The following SLX4IP variants were observed in gnomAD, a reference collection of about 807,000 sequenced individuals.
SLX4IP encodes the protein SLX4 interacting protein, also known as protein SLX4IP.
SLX4IP carries 34 observed loss-of-function variants against 32.9 expected under a neutral mutation model. The ratio of observed to expected loss-of-function variants is 1.03; its 90% CI spans 0.79 to 1.38. The LOEUF is 1.38. Among genes scored for constraint, SLX4IP ranks in the 40% most tolerant of loss-of-function variants. The probability of loss-of-function intolerance (pLI) is 0.00; values close to 1 mark genes in which losing one functional copy is unlikely to be tolerated. For synonymous variants in SLX4IP, 172 were observed against 171.7 expected (o/e 1.00, Z -0.01); for missense variants, 444 against 479.0 (o/e 0.93, Z 0.68).
intron 5 of SLX4IP, 128 bp downstream of exon 5, chr20:10,598,880 GA>G: frequency 1.1e-6 from 1 of 891,492 alleles, no homozygotes; most frequent in Non-Finnish European, 1.8e-6. Flanking sequence ...GAGTGTGTCC[GA>G]AAGTTTGCGA....
intron 6 of SLX4IP, among the ~76,000 whole-genome samples, chr20:10,612,690 C>T (rs2066980998): frequency 6.6e-6 from 1 of 152,076 alleles, no homozygotes; most frequent in Non-Finnish European, 1.5e-5. Flanking sequence ...CAGGCATGCA[C>T]CACCACGCCC....
At chr20:10,457,671 A>C (rs150404010) in intron 1 of SLX4IP, among the ~76,000 whole-genome samples, 7 of 151,830 alleles carry the variant, frequency 4.6e-5, no homozygotes, top group African/African-American at 1.7e-4. Flanking sequence ...TTTTCTTGTG[A>C]TGTCTCTCTC....
Position 10,624,551 on chromosome 20 carries a change from TCAATA to T in SLX4IP, c.*1175_*1179del, listed in dbSNP as rs1174858783. 1 of 152,134 alleles carries T rather than the reference TCAATA, an allele frequency of 6.6e-6. No individual in the cohort carries two copies. Among genetic ancestry groups the T allele is most frequent in the African/African-American group, 2.4e-5 (1 of 41,420 alleles). The allele number at this position is 152,134 out of a possible 1,614,324, so 9.4% of individuals were successfully genotyped here. A position where few individuals can be genotyped will look rare whatever the true frequency, so the allele number is the denominator to read the frequency against. ...GAAACAATATTCAAGGTCCATTCAT[TCAATA>T]CATCTTTTTTTTTTTTCTGTTCAAC... On this transcript the variant is annotated 3_prime_UTR_variant, in exon 8 of 8. Transcript: ENST00000334534.
chr20:10,466,554 A>G lies in SLX4IP; in HGVS notation c.27+8323A>G, dbSNP rs1235076573. Among the ~76,000 whole-genome samples, 5 of 152,318 alleles carry G rather than the reference A, an allele frequency of 3.3e-5. No homozygotes were observed. The East Asian group carries it at 9.6e-4, about 29-fold the overall frequency. ...AGCGGTGGCAGCCTGGGAAGATTAC[A>G]GAGCCTGGCTTAGTGACAGGCCAGT... On this transcript the variant is annotated intron_variant, in intron 2 of 7. Transcript: ENST00000334534.
chr20:10,610,767 A>G (rs185445136), intron 6 of SLX4IP, among the ~76,000 whole-genome samples: 403 of 152,358 alleles, frequency 2.6e-3, no homozygotes, highest in Admixed American at 3.9e-3. Context: ...CCTTGAGTCA[A>G]TACATACATG....
intron 2 of SLX4IP, among the ~76,000 whole-genome samples, chr20:10,521,902 C>T (rs1280721830): frequency 1.3e-4 from 20 of 152,166 alleles, no homozygotes. Flanking sequence ...TAAGAAGTGC[C>T]AGTTAGCTAA....
chr20:10,521,365 C>T (rs960836347), intron 2 of SLX4IP, among the ~76,000 whole-genome samples: 1 of 152,122 alleles, frequency 6.6e-6, no homozygotes, highest in African/African-American at 2.4e-5. Context: ...CTGCTGTCTT[C>T]CTGAGGCTTC....
At chr20:10,479,448 G>A (rs573660121) in intron 2 of SLX4IP, among the ~76,000 whole-genome samples, 38 of 150,224 alleles carry the variant, frequency 2.5e-4, no homozygotes, top group African/African-American at 8.8e-4. Context: ...CGCCTCCTGG[G>A]TTCAAGCAAT....
intron 2 of SLX4IP, among the ~76,000 whole-genome samples, chr20:10,553,894 A>G (rs1031908069): frequency 2.6e-5 from 4 of 152,232 alleles, no homozygotes; most frequent in African/African-American, 9.6e-5. Flanking sequence ...TTACCTGGTA[A>G]ACTTCATTTG....
chr20:10,592,942 TTAAGTA>T (rs1266565546), intron 4 of SLX4IP, among the ~76,000 whole-genome samples: 1 of 152,122 alleles, frequency 6.6e-6, no homozygotes, highest in Non-Finnish European at 1.5e-5. Context: ...TCTTCATCTT[TTAAGTA>T]TATTATATGT....
At chr20:10,435,714 C>T (rs531232522) in intron 1 of SLX4IP, among the ~76,000 whole-genome samples, 6 of 152,304 alleles carry the variant, frequency 3.9e-5, no homozygotes, top group Admixed American at 3.9e-4. Flanking sequence ...GTAGATGGGC[C>T]AGGTATTTGT....
intron 2 of SLX4IP, among the ~76,000 whole-genome samples, chr20:10,479,606 C>G (rs2065504617): frequency 7.1e-6 from 1 of 140,638 alleles, no homozygotes. Context: ...TGCCTTGGCT[C>G]CCAAAGTCCT....
intron 3 of SLX4IP, among the ~76,000 whole-genome samples, chr20:10,560,487 A>G (rs1453791372): frequency 6.6e-6 from 1 of 152,224 alleles, no homozygotes; most frequent in African/African-American, 2.4e-5. Context: ...TTCCCAGATC[A>G]CACAGTGAGC....
At chr20:10,481,797 G>C (rs2065524122) in intron 2 of SLX4IP, among the ~76,000 whole-genome samples, 1 of 152,176 alleles carries the variant, frequency 6.6e-6, no homozygotes, top group Non-Finnish European at 1.5e-5. Flanking sequence ...CCTTCAACCG[G>C]AATGTCAGCC....
chr20:10,613,661 C>A, intron 6 of SLX4IP: 2 of 1,613,912 alleles, frequency 1.2e-6, no homozygotes, highest in Non-Finnish European at 1.7e-6. Flanking sequence ...TCTTTGCATT[C>A]ATCTTTTGTG....
intron 1 of SLX4IP, among the ~76,000 whole-genome samples, chr20:10,436,844 A>T (rs2327294): frequency 0.38 from 57,765 of 151,948 alleles, 12,437 homozygotes; most frequent in Non-Finnish European, 0.49. Context: ...CAATATACTT[A>T]TATGTAATTT....
intron 2 of SLX4IP, among the ~76,000 whole-genome samples, chr20:10,541,286 T>TGTG (rs1247793511): frequency 6.6e-6 from 1 of 152,226 alleles, no homozygotes; most frequent in Non-Finnish European, 1.5e-5. Flanking sequence ...TTCCCTCACA[T>TGTG]GTGGTCCTTA....
At chr20:10,604,986 A>G (rs570094755) in intron 6 of SLX4IP, among the ~76,000 whole-genome samples, 2 of 152,212 alleles carry the variant, frequency 1.3e-5, no homozygotes, top group Non-Finnish European at 2.9e-5. Context: ...TGAAGAACAT[A>G]AAGTGAATTT....
chr20:10,571,022 G>A (rs2066458824), intron 4 of SLX4IP, among the ~76,000 whole-genome samples: 2 of 151,836 alleles, frequency 1.3e-5, no homozygotes, highest in Admixed American at 6.6e-5. Flanking sequence ...TTGCAGAGAT[G>A]GAGTCTCACG....
Sources: gnomAD v4.1 joint callset for allele counts (sites outside exome capture counted in the v4.1 genomes callset) on GRCh38, gnomAD v4.1.1 for gene constraint, MANE v1.5 for transcripts, NCBI Gene and HGNC (gene_info 2026-07-23, HGNC 2026-07-21) for gene names.